The following LRP10 variants were observed in gnomAD, a reference collection of about 807,000 sequenced individuals.
LRP10 encodes LDL receptor related protein 10, also known as low-density lipoprotein receptor-related protein 10.
A neutral mutation model predicts 58.5 loss-of-function variants in LRP10; 42 were observed. The ratio of observed to expected loss-of-function variants is 0.72; its 90% CI spans 0.56 to 0.93. The LOEUF is 0.93. Among genes scored for constraint, LRP10 ranks in the 40% least tolerant of loss-of-function variants. The pLI is 0.00. For synonymous variants in LRP10, 377 were observed against 388.5 expected (o/e 0.97, Z 0.35); for missense variants, 872 against 940.1 (o/e 0.93, Z 0.95).
intron 3 of LRP10, 128 bp from the exon 4 acceptor site, chr14:22,874,927 G>T: frequency 1.9e-6 from 1 of 529,656 alleles, no homozygotes. Context: ...TTTTCATTTG[G>T]CCATTTAGAT....
Position 22,875,651 on chromosome 14 carries a change from C to T in LRP10, c.703C>T (p.Arg235Cys), listed in dbSNP as rs374479224. The T allele has an allele frequency of 1.7e-5, 28 of 1,613,938 alleles. No individual in the cohort carries two copies. The highest frequency in any genetic ancestry group is 2.7e-5 in the African/African-American group (2 of 74,896). ...CCATGATGGCCGGCGGCTGGCCGTGCGCTTCACAGCCCTGGACTTGGGCTT... is the reference window on the plus strand; with the variant it reads ...CCATGATGGCCGGCGGCTGGCCGTGTGCTTCACAGCCCTGGACTTGGGCTT... Reference protein sequence around the residue: ...DPHDGRRLAVRFTALDLGFGD... With the variant: ...DPHDGRRLAVCFTALDLGFGD... Residue 235 changes from arginine (R) to cysteine (C), a missense_variant, in exon 5 of 7, where the codon CGC becomes TGC. Transcript: ENST00000359591.
intron 2 of LRP10, 89 bp from the exon 3 acceptor site, chr14:22,873,222 T>G (rs1446763403): frequency 1.2e-5 from 18 of 1,508,912 alleles, no homozygotes; most frequent in Non-Finnish European, 1.6e-5. Context: ...GAGCCCAGAC[T>G]TTTGGAAACC....
At position 22,877,574 on chromosome 14, in the gene LRP10, C is replaced by T; in HGVS notation, c.*47C>T. The T allele has an allele frequency of 7.2e-7, 1 of 1,390,178 alleles. No homozygotes were observed. The highest frequency in any genetic ancestry group is 9.6e-7 in the Non-Finnish European group (1 of 1,042,964). The allele number at this position is 1,390,178 out of a possible 1,614,324, so 86.1% of individuals were successfully genotyped here. On this transcript the variant is annotated 3_prime_UTR_variant, in exon 7 of 7. Transcript: ENST00000359591. This position sits in a 1 kb window ranked among gnomAD's most constrained non-coding sequence, Gnocchi z 5.1. ...AGGCCTCTCCCCTGGGGGCTCTACT[C>T]ATAGTGGCACAACCTTTTAGAGGTG...
intron 5 of LRP10, 25 bp downstream of exon 5, chr14:22,876,397 A>G: frequency 6.2e-7 from 1 of 1,608,890 alleles, no homozygotes; most frequent in African/African-American, 1.3e-5. Flanking sequence ...GGCTGGCAGT[A>G]GAAGAGTAGA....
At chr14:22,873,496 C>T in intron 3 of LRP10, 50 bp downstream of exon 3, 1 of 1,589,592 alleles carries the variant, frequency 6.3e-7, no homozygotes, top group Non-Finnish European at 8.6e-7. Context: ...CTGCCCCTTC[C>T]CCTCCATTGG....
In LRP10 at chr14:22,875,353, A is replaced by T. The variant is rs745920610; in HGVS notation, c.407-2A>T. 6.2e-7 allele frequency: 1 copy of T among 1,609,850 alleles called. No homozygotes were observed. Among genetic ancestry groups the T allele is most frequent in the Non-Finnish European group, 8.5e-7 (1 of 1,177,144 alleles). On this transcript the variant is annotated splice_acceptor_variant, in intron 4 of 6. Transcript: ENST00000359591. LOFTEE classifies it high-confidence loss of function. The stretch of plus-strand genomic sequence containing the variant: ...CAGCCCCTCTCCATGGTGCCTCTGC[A>T]GATTGGCTGATGTGCCTGCAGGAAG...
Position 22,876,284 on chromosome 14 carries a change from G to A in LRP10, c.1336G>A (p.Val446Ile). 6.2e-7 allele frequency: 1 copy of A among 1,614,138 alleles called. No homozygotes were observed. Among genetic ancestry groups the A allele is most frequent in the Non-Finnish European group, 8.5e-7 (1 of 1,180,040 alleles). The change falls in exon 5 of 7, where the codon GTC (valine) becomes ATC (isoleucine). Residue 446 changes from valine to isoleucine, a missense_variant. Coordinates refer to ENST00000359591, the MANE Select transcript of LRP10 (RefSeq NM_014045.5). ...GCCCCGCAAGGTCATTACAGCTGCA[G>A]TCATTGGCAGCCTAGTGTGCGGCCT... ...VLPRKVITAA[V>I]IGSLVCGLLL... is the part of the protein sequence containing the mutation.
At position 22,877,274 on chromosome 14, in the gene LRP10, C is replaced by T. The variant is rs761423282; in HGVS notation, c.1889C>T (p.Ala630Val). 2 of 1,611,384 alleles carry T rather than the reference C, an allele frequency of 1.2e-6. No individual in the cohort carries two copies. Among genetic ancestry groups the T allele is most frequent in the East Asian group, 4.5e-5 (2 of 44,870 alleles). Reference protein sequence around the residue: ...APLPSASTSPAPTTVPEAPGP... With the variant: ...APLPSASTSPVPTTVPEAPGP... Reference sequence around the variant, plus strand: ...CTCCCATCTGCTAGCACGTCTCCAGCCCCCACTACTGTCCCTGAAGCCCCA... The same window carrying T: ...CTCCCATCTGCTAGCACGTCTCCAGTCCCCACTACTGTCCCTGAAGCCCCA... Residue 630 changes from alanine to valine, a missense_variant, in exon 7 of 7, where the codon GCC (alanine) becomes GTC (valine). Transcript: ENST00000359591. The surrounding 1 kb of genome is among the most constrained non-coding windows in gnomAD (Gnocchi z 5.1).
Position 22,875,555 on chromosome 14 carries a change from T to C in LRP10, c.607T>C (p.Phe203Leu), listed in dbSNP as rs772133058. 2.5e-6 allele frequency: 4 copies of C among 1,614,070 alleles called. No individual in the cohort carries two copies. In the African/African-American group the frequency reaches 4.0e-5, roughly 16 times the overall value. Residue 203 changes from phenylalanine (F) to leucine (L), a missense_variant, in exon 5 of 7, where the codon TTC becomes CTC. Coordinates refer to ENST00000359591, the MANE Select transcript of LRP10 (RefSeq NM_014045.5). Reference protein sequence around the residue: ...NVTLEDFYGVFSSPGYTHLAS... With the variant: ...NVTLEDFYGVLSSPGYTHLAS... ...CACCTTGGAGGACTTCTATGGGGTC[T>C]TCTCCTCTCCTGGATATACACACCT...
At position 22,875,733 on chromosome 14, in the gene LRP10, T is replaced by C. The variant is rs200193283; in HGVS notation, c.785T>C (p.Leu262Pro). The change falls in exon 5 of 7, where the codon CTG becomes CCG. Residue 262 changes from leucine (L) to proline (P), a missense_variant. Leu to Pro is a moderately conservative substitution (Grantham distance 98, BLOSUM62 -3). Transcript: ENST00000359591. ...GGGCCCCCTGAGAGCTCCCGACTACTGCGTAGTCTCACCCACTTCAGCAAT... is the reference window on the plus strand; with the variant it reads ...GGGCCCCCTGAGAGCTCCCGACTACCGCGTAGTCTCACCCACTTCAGCAAT... Reference protein sequence around the residue: ...GPGPPESSRLLRSLTHFSNGK... With the variant: ...GPGPPESSRLPRSLTHFSNGK... 1.2e-6 allele frequency: 2 copies of C among 1,613,876 alleles called. No homozygotes were observed. Among genetic ancestry groups the C allele is most frequent in the South Asian group, 1.1e-5 (1 of 91,088 alleles).
Position 22,881,548 on chromosome 14 carries a change from C to T in LRP10, c.*4021C>T, listed in dbSNP as rs1014487249. On this transcript the variant is annotated 3_prime_UTR_variant, in exon 7 of 7. Coordinates refer to ENST00000359591, the MANE Select transcript of LRP10 (RefSeq NM_014045.5). The stretch of plus-strand genomic sequence containing the variant: ...TTTTATGCTAAATGACCTTAGACCA[C>T]TTATAAAATGCATATGAGTGCTTTA... The T allele has an allele frequency of 3.9e-5, 6 of 152,198 alleles. No individual in the cohort carries two copies. The highest frequency in any genetic ancestry group is 1.2e-4 in the African/African-American group (5 of 41,438). 9.4% of individuals were successfully genotyped at this position (152,198 alleles called of 1,614,324 possible).
chr14:22,879,259 C>G lies in LRP10; in HGVS notation c.*1732C>G, dbSNP rs1385084832. The G allele has an allele frequency of 2.0e-5, 9 of 455,490 alleles. No individual in the cohort carries two copies. The highest frequency in any genetic ancestry group is 4.0e-5 in the Non-Finnish European group (9 of 226,116). The allele number at this position is 455,490 out of a possible 1,614,324, so 28.2% of individuals were successfully genotyped here. ...TGGGCCCATGTGCAGTTCTGGGACC[C>G]TGGCACCTTGGCTCAGGGAAGACCC... On this transcript the variant is annotated 3_prime_UTR_variant, in exon 7 of 7. Coordinates refer to ENST00000359591, the MANE Select transcript of LRP10 (RefSeq NM_014045.5).
Position 22,876,267 on chromosome 14 carries a change from A to G in LRP10, c.1319A>G (p.Lys440Arg), listed in dbSNP as rs941811821. ...EWDCSYVLPRKVITAAVIGSL... is the reference protein window; with the variant it reads ...EWDCSYVLPRRVITAAVIGSL... The stretch of plus-strand genomic sequence containing the variant: ...GACTGCTCCTATGTTCTGCCCCGCA[A>G]GGTCATTACAGCTGCAGTCATTGGC... Residue 440 changes from lysine to arginine, a missense_variant, in exon 5 of 7, where the codon AAG becomes AGG. Transcript: ENST00000359591. 2 of 1,614,168 alleles carry G rather than the reference A, an allele frequency of 1.2e-6. No homozygotes were observed. Among genetic ancestry groups the G allele is most frequent in the African/African-American group, 1.3e-5 (1 of 75,046 alleles).
intron 3 of LRP10, among the ~76,000 whole-genome samples, 172 bp downstream of exon 3, chr14:22,873,618 G>A (rs575959164): frequency 6.6e-6 from 1 of 151,548 alleles, no homozygotes; most frequent in East Asian, 1.9e-4. Flanking sequence ...ACCACCTCCC[G>A]GGTTCAAGTG....
In LRP10 at chr14:22,875,079, T is replaced by G; in HGVS notation, c.240T>G (p.Cys80Trp). The G allele has an allele frequency of 1.3e-6, 2 of 1,591,186 alleles. No homozygotes were observed. Among genetic ancestry groups the G allele is most frequent in the Non-Finnish European group, 1.7e-6 (2 of 1,167,536 alleles). The change falls in exon 4 of 7, where the codon TGT becomes TGG. Residue 80 changes from cysteine to tryptophan, a missense_variant. Physicochemically the swap from Cys to Trp is radical, Grantham distance 215. Transcript: ENST00000359591. Reference sequence around the variant, plus strand: ...GGTTCCAGAAGCTACACCTGGCCTGTGGCTCAGAGCGCTTAACCCTACGCT... The same window carrying G: ...GGTTCCAGAAGCTACACCTGGCCTGGGGCTCAGAGCGCTTAACCCTACGCT... Reference protein sequence around the residue: ...TIRFQKLHLACGSERLTLRSP... With the variant: ...TIRFQKLHLAWGSERLTLRSP...
rs373719640 is a variant in LRP10, at chr14:22,876,108, G to A, written c.1160G>A (p.Cys387Tyr). Residue 387 changes from cysteine (C) to tyrosine (Y), a missense_variant, in exon 5 of 7, where the codon TGT (cysteine) becomes TAT (tyrosine). Cys to Tyr is a radical substitution (Grantham distance 194, BLOSUM62 -2). Coordinates refer to ENST00000359591, the MANE Select transcript of LRP10 (RefSeq NM_014045.5). Reference protein sequence around the residue: ...PADRCNYQTFCADGADERRCR... With the variant: ...PADRCNYQTFYADGADERRCR... ...GACCGCTGCAACTACCAGACTTTCT[G>A]TGCTGATGGAGCAGATGAGAGACGC... 1 of 1,614,178 alleles carries A rather than the reference G, an allele frequency of 6.2e-7. No individual in the cohort carries two copies. Among genetic ancestry groups the A allele is most frequent in the Non-Finnish European group, 8.5e-7 (1 of 1,180,046 alleles).
chr14:22,879,441 T>C lies in LRP10; in HGVS notation c.*1914T>C, dbSNP rs181738848. ...CCCAATGGAAATAGTGAAGCAGTGATTTTCCCTCCCCTGCCTCTCCATAGC... is the reference window on the plus strand; with the variant it reads ...CCCAATGGAAATAGTGAAGCAGTGACTTTCCCTCCCCTGCCTCTCCATAGC... On this transcript the variant is annotated 3_prime_UTR_variant, in exon 7 of 7. Coordinates refer to ENST00000359591, the MANE Select transcript of LRP10 (RefSeq NM_014045.5). 1,342 of 270,674 alleles carry C rather than the reference T, an allele frequency of 5.0e-3. 7 individuals carry two copies. Among genetic ancestry groups the C allele is most frequent in the Non-Finnish European group, 7.7e-3 (969 of 126,558 alleles). The allele number at this position is 270,674 out of a possible 1,614,324, so 16.8% of individuals were successfully genotyped here.
chr14:22,875,925 G>A lies in LRP10; in HGVS notation c.977G>A (p.Gly326Asp), dbSNP rs547591765. The stretch of plus-strand genomic sequence containing the variant: ...GGCTCTGGCCTGGGAGCTGGCGAAG[G>A]CCTAGGTGAGCGCTGCTACAGTGAG... ...GLGSGLGAGE[G>D]LGERCYSEAQ... Residue 326 changes from glycine (G) to aspartate (D), a missense_variant, in exon 5 of 7, where the codon GGC becomes GAC. By Grantham distance (94) the Gly-to-Asp change is moderately conservative. Coordinates refer to ENST00000359591, the MANE Select transcript of LRP10 (RefSeq NM_014045.5). 8.6e-5 allele frequency: 139 copies of A among 1,613,516 alleles called. No individual in the cohort carries two copies. Among genetic ancestry groups the A allele is most frequent in the Non-Finnish European group, 1.2e-4 (136 of 1,179,870 alleles).
Position 22,878,374 on chromosome 14 carries a change from G to A in LRP10, c.*847G>A, listed in dbSNP as rs1444560570. The stretch of plus-strand genomic sequence containing the variant: ...CACTGCCAGCATAGAAGTCAGGGGA[G>A]CCAGCTGGGCCCTGCGGTCAGGAAG... On this transcript the variant is annotated 3_prime_UTR_variant, in exon 7 of 7. Coordinates refer to ENST00000359591, the MANE Select transcript of LRP10 (RefSeq NM_014045.5). The A allele has an allele frequency of 6.6e-6, 1 of 152,200 alleles. No individual in the cohort carries two copies. The highest frequency in any genetic ancestry group is 6.5e-5 in the Admixed American group (1 of 15,274). The allele number at this position is 152,200 out of a possible 1,614,324, so 9.4% of individuals were successfully genotyped here.
Sources: allele counts gnomAD v4.1 joint callset (sites outside exome capture counted in the v4.1 genomes callset), GRCh38; gene constraint gnomAD v4.1.1; non-coding constraint Gnocchi (gnomAD v3.1); transcripts MANE v1.5; gene names NCBI Gene and HGNC (gene_info 2026-07-23, HGNC 2026-07-21).